DENND1A: variants seen among roughly 807,000 people sequenced by gnomAD.
DENND1A encodes DENN domain-containing protein 1A.
A neutral mutation model predicts 113.7 loss-of-function variants in DENND1A; 51 were observed. The ratio of observed to expected loss-of-function variants is 0.45; its 90% CI spans 0.36 to 0.57. The LOEUF (loss-of-function observed/expected upper bound fraction) is 0.57. DENND1A is among the 20% of genes least tolerant of loss of function. DENND1A has a pLI of 0.00. For synonymous variants in DENND1A, 565 were observed against 570.8 expected (o/e 0.99, Z 0.14); for missense variants, 1,258 against 1,395.9 (o/e 0.90, Z 1.57).
chr9:123,816,377 C>G (rs1276604083), intron 2 of DENND1A, among the ~76,000 whole-genome samples: 1 of 152,158 alleles, frequency 6.6e-6, no homozygotes, highest in Non-Finnish European at 1.5e-5. Flanking sequence ...GATTTAATCT[C>G]AGGTTTGTAT....
chr9:123,651,181 T>C (rs1239954563), intron 9 of DENND1A, among the ~76,000 whole-genome samples: 2 of 151,958 alleles, frequency 1.3e-5, no homozygotes, highest in Non-Finnish European at 2.9e-5. Flanking sequence ...GCAAAAGTTA[T>C]ATAGAAAGTT....
intron 1 of DENND1A, among the ~76,000 whole-genome samples, chr9:123,894,428 G>C (rs865985490): frequency 7.9e-5 from 12 of 152,164 alleles, no homozygotes; most frequent in African/African-American, 2.9e-4. Flanking sequence ...AAGTCAAGGA[G>C]ACAAAACATA....
intron 23 of DENND1A, among the ~76,000 whole-genome samples, chr9:123,383,438 A>G (rs1039249258): frequency 6.6e-6 from 1 of 152,136 alleles, no homozygotes; most frequent in African/African-American, 2.4e-5. Flanking sequence ...GCAAGTTTCC[A>G]TCGGGCTCTA....
At chr9:123,653,788 T>A (rs2062788668) in intron 8 of DENND1A, among the ~76,000 whole-genome samples, 1 of 152,042 alleles carries the variant, frequency 6.6e-6, no homozygotes, top group African/African-American at 2.4e-5. Context: ...CGTTACCCCA[T>A]TCACGGAGTG....
At chr9:123,473,505 C>T (rs1169660949) in intron 13 of DENND1A, among the ~76,000 whole-genome samples, 2 of 152,192 alleles carry the variant, frequency 1.3e-5, no homozygotes, top group African/African-American at 4.8e-5. Flanking sequence ...CATATTCTGA[C>T]AGAGAGCAGA....
chr9:123,524,213 C>G (rs942063942), intron 13 of DENND1A, among the ~76,000 whole-genome samples: 1 of 152,192 alleles, frequency 6.6e-6, no homozygotes, highest in East Asian at 1.9e-4. Flanking sequence ...CTCAGAGATA[C>G]TGAGAATAGG....
intron 9 of DENND1A, among the ~76,000 whole-genome samples, chr9:123,635,046 G>C (rs1445602085): frequency 2.0e-5 from 3 of 152,170 alleles, no homozygotes; most frequent in African/African-American, 7.2e-5. Flanking sequence ...GACATGAACG[G>C]AGAGTGATCA....
chr9:123,853,505 A>G (rs1336938302), intron 2 of DENND1A, among the ~76,000 whole-genome samples: 1 of 151,758 alleles, frequency 6.6e-6, no homozygotes, highest in Admixed American at 6.6e-5. Context: ...CTCTACTAAA[A>G]ATACAGAAAT....
At chr9:123,545,488 A>G (rs1022822256) in intron 13 of DENND1A, among the ~76,000 whole-genome samples, 2 of 150,772 alleles carry the variant, frequency 1.3e-5, no homozygotes, top group East Asian at 3.9e-4. Context: ...TTTTTTTGAG[A>G]CAGAGTCTCG....
At chr9:123,926,971 G>C (rs1336734156) in intron 1 of DENND1A, among the ~76,000 whole-genome samples, 1 of 152,026 alleles carries the variant, frequency 6.6e-6, no homozygotes, top group African/African-American at 2.4e-5. Flanking sequence ...ACAGGAGGGG[G>C]TGGGGGTGGC....
rs556296062 is a variant in DENND1A, at chr9:123,735,252, C to T, written c.302+22451G>A. ...CTAAACCAGCTCATCCAGGAAGGAA[C>T]GAGTTCATGGAGTCCCCACTATATA... On this transcript the variant is annotated intron_variant, in intron 5 of 23. Coordinates refer to ENST00000394215, the MANE Select transcript of DENND1A (RefSeq NM_001352964.2). Among the ~76,000 whole-genome samples, 5 of 152,292 alleles carry T rather than the reference C, an allele frequency of 3.3e-5. No individual in the cohort carries two copies. The South Asian group carries it at 6.2e-4, about 19-fold the overall frequency.
intron 2 of DENND1A, among the ~76,000 whole-genome samples, chr9:123,830,261 T>C (rs1839972985): frequency 6.6e-6 from 1 of 152,164 alleles, no homozygotes. Context: ...AAGGAAATGC[T>C]ATAGAATACC....
chr9:123,379,855 CCTGGGGGT>C lies in DENND1A; in HGVS notation c.*1569_*1576del, dbSNP rs962668231. On this transcript the variant is annotated 3_prime_UTR_variant, in exon 24 of 24. Transcript: ENST00000394215. ...CTCCTCTGCCCTATCCCGGATGGGGCCTGGGGGTCTGCCCAGGGTGCGAAACTGGAATC... is the reference window on the plus strand; with the variant it reads ...CTCCTCTGCCCTATCCCGGATGGGGCCTGCCCAGGGTGCGAAACTGGAATC... 2.6e-5 allele frequency: 4 copies of C among 152,368 alleles called. No individual in the cohort carries two copies. The highest frequency in any genetic ancestry group is 9.6e-5 in the African/African-American group (4 of 41,458). 9.4% of individuals were successfully genotyped at this position (152,368 alleles called of 1,614,324 possible). A position where few individuals can be genotyped will look rare whatever the true frequency, so the allele number is the denominator to read the frequency against.
intron 9 of DENND1A, among the ~76,000 whole-genome samples, chr9:123,631,880 G>GA (rs60518756): frequency 1.3e-4 from 19 of 151,548 alleles, no homozygotes; most frequent in African/African-American, 3.4e-4. Flanking sequence ...AAAAGAAAGG[G>GA]AAAAAAAACA....
At chr9:123,801,801 T>C (rs144500832) in intron 2 of DENND1A, among the ~76,000 whole-genome samples, 3 of 152,340 alleles carry the variant, frequency 2.0e-5, no homozygotes, top group East Asian at 3.9e-4. Context: ...TATCTGTGTC[T>C]TAAATATAAA....
rs116272371 is a variant in DENND1A at position 123,522,960 on chromosome 9, C to T, written c.993+34610G>A. On this transcript the variant is annotated intron_variant, in intron 13 of 23. Transcript: ENST00000394215. ...CCCCACTATGTGCTAGGAATACAGACGTGAATAAGAACTGAGCTCTCTTTT... is the reference window on the plus strand; with the variant it reads ...CCCCACTATGTGCTAGGAATACAGATGTGAATAAGAACTGAGCTCTCTTTT... Among the ~76,000 whole-genome samples, 506 of 152,312 alleles carry T rather than the reference C, an allele frequency of 3.3e-3. 1 individual carries two copies. Among genetic ancestry groups the T allele is most frequent in the African/African-American group, 0.011 (471 of 41,572 alleles).
At chr9:123,465,608 T>G (rs1003470415) in intron 13 of DENND1A, among the ~76,000 whole-genome samples, 2 of 152,164 alleles carry the variant, frequency 1.3e-5, no homozygotes, top group African/African-American at 4.8e-5. Context: ...AATAACTGTT[T>G]CCCCTGAGGG....
At chr9:123,413,391 A>G in intron 19 of DENND1A, 1 of 982,736 alleles carries the variant, frequency 1.0e-6, no homozygotes, top group Non-Finnish European at 1.2e-6. Flanking sequence ...TCCCGTATGA[A>G]GCTCCCATTA....
At chr9:123,836,832 T>C (rs1841119236) in intron 2 of DENND1A, among the ~76,000 whole-genome samples, 1 of 152,196 alleles carries the variant, frequency 6.6e-6, no homozygotes. Flanking sequence ...TCATTCCCTT[T>C]CTGTTTCATT....
Sources: gnomAD v4.1 joint callset for allele counts (sites outside exome capture counted in the v4.1 genomes callset) on GRCh38, gnomAD v4.1.1 for gene constraint, MANE v1.5 for transcripts, NCBI Gene and HGNC (gene_info 2026-07-23, HGNC 2026-07-21) for gene names.